The following ZNF287 variants were observed in gnomAD, a reference collection of about 807,000 sequenced individuals.
ZNF287 encodes zinc finger protein 287.
A neutral mutation model predicts 73.7 loss-of-function variants in ZNF287; 31 were observed. That is an observed-to-expected ratio of 0.42 (90% CI 0.32 to 0.57). The LOEUF (loss-of-function observed/expected upper bound fraction) is 0.57. Ranked by LOEUF, ZNF287 falls within the 20% of genes least tolerant of loss-of-function variation. ZNF287 has a pLI of 0.13. For synonymous variants in ZNF287, 301 were observed against 307.2 expected (o/e 0.98, Z 0.21); for missense variants, 641 against 909.3 (o/e 0.70, Z 3.79).
intron 5 of ZNF287, chr17:16,558,868 T>G (rs1170907911): frequency 1.3e-5 from 2 of 152,134 alleles, no homozygotes; most frequent in African/African-American, 2.4e-5. Context: ...TCCTACCTAC[T>G]CAGGAGGCTG....
intron 2 of ZNF287, 66 bp from the exon 3 acceptor site, chr17:16,566,688 C>G: frequency 9.3e-7 from 1 of 1,071,334 alleles, no homozygotes. Context: ...AACCCCTCAC[C>G]AAATAGATGC....
intron 5 of ZNF287, among the ~76,000 whole-genome samples, chr17:16,561,422 A>G (rs1236582169): frequency 1.3e-5 from 2 of 152,228 alleles, no homozygotes; most frequent in African/African-American, 4.8e-5. Flanking sequence ...ATCAAGGAAT[A>G]GTCATGTGAC....
At chr17:16,555,157 T>C (rs759000059) in intron 5 of ZNF287, among the ~76,000 whole-genome samples, 5 of 152,138 alleles carry the variant, frequency 3.3e-5, no homozygotes, top group Non-Finnish European at 7.3e-5. Flanking sequence ...AGAGTATACT[T>C]ATATGAACCT....
In ZNF287 at chr17:16,549,094, T is replaced by G. The variant is rs1365806836; in HGVS notation, c.*2762A>C. The stretch of plus-strand genomic sequence containing the variant: ...AAAAAATACGGCAGAATGTTAGTTT[T>G]TAAATTTAGGTGGGTATATAGTTAA... On this transcript the variant is annotated 3_prime_UTR_variant, in exon 6 of 6. Transcript: ENST00000395825. 6.6e-6 allele frequency among the ~76,000 whole-genome samples: 1 copy of G among 152,216 alleles called. No individual in the cohort carries two copies. The highest frequency in any genetic ancestry group is 2.4e-5 in the African/African-American group (1 of 41,462).
chr17:16,562,215 G>A (rs1470652341), intron 5 of ZNF287, among the ~76,000 whole-genome samples: 1 of 144,182 alleles, frequency 6.9e-6, no homozygotes, highest in South Asian at 2.1e-4. Context: ...TAAGGAACAA[G>A]TTCAATAATA....
Position 16,547,716 on chromosome 17 carries a change from A to G in ZNF287, c.*4140T>C, listed in dbSNP as rs796955254. 8.5e-5 allele frequency among the ~76,000 whole-genome samples: 13 copies of G among 152,314 alleles called. No individual in the cohort carries two copies. The highest frequency in any genetic ancestry group is 3.1e-4 in the African/African-American group (13 of 41,568). ...ATTAAAAGGAGCCAGGGATTCTTGGAAAAAGGTTTCATTCCAGGCCTGGGG... is the reference window on the plus strand; with the variant it reads ...ATTAAAAGGAGCCAGGGATTCTTGGGAAAAGGTTTCATTCCAGGCCTGGGG... On this transcript the variant is annotated 3_prime_UTR_variant, in exon 6 of 6. Transcript: ENST00000395825.
In ZNF287 at chr17:16,548,414, T is replaced by C. The variant is rs530544953; in HGVS notation, c.*3442A>G. ...GCCCTAACTTCTAATTTATGGAAAC[T>C]ACAGGGGGTACCGGAACAACCCACA... On this transcript the variant is annotated 3_prime_UTR_variant, in exon 6 of 6. Transcript: ENST00000395825. Among the ~76,000 whole-genome samples, 32 of 152,296 alleles carry C rather than the reference T, an allele frequency of 2.1e-4. No individual in the cohort carries two copies. In the South Asian group the frequency reaches 6.2e-3, roughly 30 times the overall value.
chr17:16,560,200 G>A (rs910567285), intron 5 of ZNF287, among the ~76,000 whole-genome samples: 8 of 151,610 alleles, frequency 5.3e-5, no homozygotes. Flanking sequence ...GACCTCAAGT[G>A]ATCCACCTAC....
At position 16,567,736 on chromosome 17, in the gene ZNF287, A is replaced by G. The variant is rs1327230618; in HGVS notation, c.-5T>C. On this transcript the variant is annotated 5_prime_UTR_variant, in exon 2 of 6. Coordinates refer to ENST00000395825, the MANE Select transcript of ZNF287 (RefSeq NM_020653.4). ...CCTCTTGCTTGAGGCTAACATTGCTACAGACAGGAGAGTCAATCTGGCAAT... is the reference window on the plus strand; with the variant it reads ...CCTCTTGCTTGAGGCTAACATTGCTGCAGACAGGAGAGTCAATCTGGCAAT... 1.2e-6 allele frequency: 2 copies of G among 1,603,776 alleles called. No homozygotes were observed. Among genetic ancestry groups the G allele is most frequent in the Non-Finnish European group, 1.7e-6 (2 of 1,174,438 alleles).
chr17:16,566,431 G>A, intron 3 of ZNF287, 94 bp downstream of exon 3: 1 of 997,646 alleles, frequency 1.0e-6, no homozygotes, highest in Non-Finnish European at 1.5e-6. Flanking sequence ...CCTTGATAGA[G>A]CTTCTGGGGG....
chr17:16,564,086 A>G (rs1907607638), intron 3 of ZNF287, among the ~76,000 whole-genome samples: 1 of 152,184 alleles, frequency 6.6e-6, no homozygotes. Flanking sequence ...GCTCCATTTT[A>G]AACAGAAAAG....
rs2981610 is a variant in ZNF287, at chr17:16,548,716, C to T, written c.*3140G>A. On this transcript the variant is annotated 3_prime_UTR_variant, in exon 6 of 6. Transcript: ENST00000395825. ...TCGGGAGGCTGAGGCAGGAGAATGGCGTGAACCTGGGAGGCGGACCTTGCA... is the reference window on the plus strand; with the variant it reads ...TCGGGAGGCTGAGGCAGGAGAATGGTGTGAACCTGGGAGGCGGACCTTGCA... Among the ~76,000 whole-genome samples the T allele has an allele frequency of 0.081, 12,371 of 152,152 alleles. 744 individuals carry two copies. The highest frequency in any genetic ancestry group is 0.3 in the East Asian group (1,539 of 5,164).
rs555559052 is a variant in ZNF287, at chr17:16,557,410, A to G, written c.716-3984T>C. On this transcript the variant is annotated intron_variant, in intron 5 of 5. Coordinates refer to ENST00000395825, the MANE Select transcript of ZNF287 (RefSeq NM_020653.4). ...CAAAGTACTGTATAAAGAACAATAAACCATAAAATATAATAAAGAACTATA... is the reference window on the plus strand; with the variant it reads ...CAAAGTACTGTATAAAGAACAATAAGCCATAAAATATAATAAAGAACTATA... Among the ~76,000 whole-genome samples the G allele has an allele frequency of 8.5e-4, 129 of 152,194 alleles. 1 individual carries two copies. Among genetic ancestry groups the G allele is most frequent in the African/African-American group, 3.0e-3 (126 of 41,528 alleles).
Position 16,566,508 on chromosome 17 carries a change from A to G in ZNF287, c.501+17T>C. 1 of 1,604,554 alleles carries G rather than the reference A, an allele frequency of 6.2e-7. No individual in the cohort carries two copies. Among genetic ancestry groups the G allele is most frequent in the East Asian group, 2.2e-5 (1 of 44,584 alleles). On this transcript the variant is annotated intron_variant, in intron 3 of 5. Transcript: ENST00000395825. The stretch of plus-strand genomic sequence containing the variant: ...CTAAGAAGGCATTTTAAAATCAGAA[A>G]AGACAGTCACACTCACTTTGGTCAC...
chr17:16,564,472 G>C (rs1356345951), intron 3 of ZNF287, among the ~76,000 whole-genome samples: 1 of 152,118 alleles, frequency 6.6e-6, no homozygotes, highest in Non-Finnish European at 1.5e-5. Flanking sequence ...AAAGTGTTGG[G>C]ATTACAGGAG....
intron 5 of ZNF287, among the ~76,000 whole-genome samples, chr17:16,556,877 C>T (rs921980549): frequency 2.0e-5 from 3 of 149,670 alleles, no homozygotes; most frequent in Admixed American, 6.6e-5. Context: ...GATGGAGTTT[C>T]GCTTTTGTTG....
At chr17:16,558,271 A>C (rs1477695566) in intron 5 of ZNF287, 1 of 152,222 alleles carries the variant, frequency 6.6e-6, no homozygotes, top group Non-Finnish European at 1.5e-5. Context: ...TTTTTTAAAA[A>C]AGTGAAACAA....
chr17:16,552,700 T>G lies in ZNF287; in HGVS notation c.1442A>C (p.Lys481Thr), dbSNP rs1476273688. 4 of 1,613,980 alleles carry G rather than the reference T, an allele frequency of 2.5e-6. No homozygotes were observed. The highest frequency in any genetic ancestry group is 1.3e-5 in the African/African-American group (1 of 74,896). ...QRTHTGEKPY[K>T]CLECGKTFSH... ...GAAGGTTTTACCACATTCCAAGCATTTATATGGTTTCTCTCCAGTATGTGT... is the reference window on the plus strand; with the variant it reads ...GAAGGTTTTACCACATTCCAAGCATGTATATGGTTTCTCTCCAGTATGTGT... The change falls in exon 6 of 6, where the codon AAA (lysine) becomes ACA (threonine). Residue 481 changes from lysine to threonine, a missense_variant. Physicochemically the swap from Lys to Thr is moderately conservative, Grantham distance 78. This residue lies in a region of ZNF287 where 284 missense variants were observed against 466.8 expected (regional missense o/e 0.61). Transcript: ENST00000395825. This position sits in a 1 kb window ranked among gnomAD's most constrained non-coding sequence, Gnocchi z 6.5.
At position 16,567,625 on chromosome 17, in the gene ZNF287, A is replaced by G; in HGVS notation, c.107T>C (p.Ile36Thr). ...QSGPYNVEKE[I>T]LTSRFLRDTE... is the part of the protein sequence containing the mutation. ...GTCACGCAAGAATCTTGAAGTAAGG[A>G]TTTCCTTCTCAACATTGTAGGGTCC... Residue 36 changes from isoleucine to threonine, a missense_variant, in exon 2 of 6, where the codon ATC becomes ACC. Around this residue, in one of 2 missense-constraint regions of ZNF287, gnomAD observed 357 missense variants for 442.4 expected, o/e 0.81. Transcript: ENST00000395825. 1 of 1,614,114 alleles carries G rather than the reference A, an allele frequency of 6.2e-7. No individual in the cohort carries two copies. The highest frequency in any genetic ancestry group is 8.5e-7 in the Non-Finnish European group (1 of 1,180,026).
Sources: allele counts gnomAD v4.1 joint callset (sites outside exome capture counted in the v4.1 genomes callset), GRCh38; gene constraint gnomAD v4.1.1; regional missense constraint gnomAD v4.1.1; non-coding constraint Gnocchi (gnomAD v3.1); transcripts MANE v1.5; gene names NCBI Gene and HGNC (gene_info 2026-07-23, HGNC 2026-07-21).